The following NFIB variants were observed in gnomAD, a reference collection of about 807,000 sequenced individuals.
NFIB encodes the protein nuclear factor I B, also known as nuclear factor 1 B-type.
In NFIB, 11 loss-of-function variants were observed where a neutral mutation model predicts 61.5. The ratio of observed to expected loss-of-function variants is 0.18; its 90% CI spans 0.11 to 0.30. The LOEUF (loss-of-function observed/expected upper bound fraction) is 0.30. NFIB is among the 10% of genes least tolerant of loss of function. The probability of loss-of-function intolerance (pLI) is 1.00; values close to 1 mark genes in which losing one functional copy is unlikely to be tolerated. For synonymous variants in NFIB, 260 were observed against 216.5 expected, an observed-to-expected ratio of 1.20 and a Z score of -1.76; for missense variants, 471 against 608.9, an observed-to-expected ratio of 0.77 and a Z score of 2.38.
At chr9:14,245,539 C>A (rs564752483) in intron 2 of NFIB, among the ~76,000 whole-genome samples, 1 of 151,862 alleles carries the variant, frequency 6.6e-6, no homozygotes, top group Admixed American at 6.6e-5. Flanking sequence ...GGGAGAGATA[C>A]GTAAACACAT....
chr9:14,209,173 G>A (rs113170073), intron 2 of NFIB, among the ~76,000 whole-genome samples: 14 of 152,288 alleles, frequency 9.2e-5, no homozygotes, highest in Admixed American at 3.3e-4. Flanking sequence ...TTCTGACATG[G>A]AGATATTTTT....
intron 1 of NFIB, among the ~76,000 whole-genome samples, chr9:14,326,056 A>G (rs1434308225): frequency 2.0e-5 from 3 of 152,214 alleles, no homozygotes; most frequent in Non-Finnish European, 2.9e-5. Context: ...AAAGTGCCAA[A>G]TGTTGGCATT....
chr9:14,090,906 C>T (rs1255928399), intron 10 of NFIB, among the ~76,000 whole-genome samples: 2 of 152,010 alleles, frequency 1.3e-5, no homozygotes, highest in East Asian at 3.9e-4. Flanking sequence ...CAATAGCTCT[C>T]TTACTCAGTT....
the NFIB span, among the ~76,000 whole-genome samples, chr9:14,423,333 C>T: frequency 0.025 from 3,852 of 152,286 alleles, 167 homozygotes; most frequent in African/African-American, 0.087. Context: ...TTCCTGTGTG[C>T]TCAGATGTTT....
chr9:14,371,894 A>T (rs1300183283), intron 1 of NFIB, among the ~76,000 whole-genome samples: 1 of 152,162 alleles, frequency 6.6e-6, no homozygotes, highest in Non-Finnish European at 1.5e-5. Flanking sequence ...AGGAATGGGA[A>T]CTGACTGATT....
chr9:14,329,836 G>T (rs1164806106), intron 1 of NFIB, among the ~76,000 whole-genome samples: 1 of 151,234 alleles, frequency 6.6e-6, no homozygotes, highest in African/African-American at 2.4e-5. Flanking sequence ...TAAAAACCCA[G>T]TAACAGGCCG....
At chr9:14,130,972 C>G (rs988901633) in intron 6 of NFIB, among the ~76,000 whole-genome samples, 16 of 152,134 alleles carry the variant, frequency 1.1e-4, no homozygotes, top group African/African-American at 3.1e-4. Flanking sequence ...AACAAAACCA[C>G]GTGGTCCCTG....
the NFIB span, among the ~76,000 whole-genome samples, chr9:14,449,824 C>A: frequency 6.6e-6 from 1 of 151,992 alleles, no homozygotes; most frequent in Non-Finnish European, 1.5e-5. Flanking sequence ...GTCCCAACTA[C>A]TCCGGAGGCT....
the NFIB span, among the ~76,000 whole-genome samples, chr9:14,455,372 C>T: frequency 1.3e-5 from 2 of 152,112 alleles, no homozygotes; most frequent in Non-Finnish European, 2.9e-5. Context: ...TGAGGTACAG[C>T]AGTGGTTCAT....
the NFIB span, among the ~76,000 whole-genome samples, chr9:14,518,177 A>G: frequency 5.3e-5 from 8 of 152,246 alleles, no homozygotes; most frequent in Non-Finnish European, 1.2e-4. Context: ...AAATGATAAG[A>G]CATTCGCAAC....
intron 2 of NFIB, among the ~76,000 whole-genome samples, chr9:14,245,866 C>T (rs1186423017): frequency 1.3e-5 from 2 of 152,038 alleles, no homozygotes; most frequent in Non-Finnish European, 2.9e-5. Flanking sequence ...GAGCGAGACT[C>T]TGTCTCGAAA....
chr9:14,499,793 A>T, the NFIB span, among the ~76,000 whole-genome samples: 95 of 152,294 alleles, frequency 6.2e-4, no homozygotes, highest in African/African-American at 2.3e-3. Flanking sequence ...CTGCCATTAG[A>T]AATGGCTGAG....
At chr9:14,284,655 A>C (rs1033627295) in intron 2 of NFIB, among the ~76,000 whole-genome samples, 4 of 152,238 alleles carry the variant, frequency 2.6e-5, no homozygotes, top group Admixed American at 2.0e-4. Context: ...TCATAACAGA[A>C]AGAGCCCAGA....
intron 2 of NFIB, among the ~76,000 whole-genome samples, chr9:14,254,092 A>C (rs968820610): frequency 6.6e-6 from 1 of 152,200 alleles, no homozygotes; most frequent in Non-Finnish European, 1.5e-5. Context: ...ACTTGAGGCC[A>C]GTAGTTTGAG....
the NFIB span, among the ~76,000 whole-genome samples, chr9:14,463,692 T>TCTTG: frequency 3.1e-5 from 4 of 129,570 alleles, no homozygotes; most frequent in East Asian, 9.1e-4. Flanking sequence ...TGAGACGGAG[T>TCTTG]CTCTGTCACC....
rs555539552 is a variant in NFIB at position 14,127,596 on chromosome 9, T to C, written c.926-1830A>G. Among the ~76,000 whole-genome samples the C allele has an allele frequency of 5.3e-5, 8 of 152,276 alleles. No individual in the cohort carries two copies. The South Asian group carries it at 1.7e-3, about 32-fold the overall frequency. On this transcript the variant is annotated intron_variant, in intron 6 of 10. Coordinates refer to ENST00000380953, the MANE Select transcript of NFIB (RefSeq NM_001190737.2). ...AAAAGAAAAAAACACCAAAACTTTA[T>C]CACACATACAAAATGTACACAATTT...
the NFIB span, among the ~76,000 whole-genome samples, chr9:14,461,270 T>C: frequency 1.3e-5 from 2 of 152,152 alleles, no homozygotes; most frequent in Non-Finnish European, 2.9e-5. Flanking sequence ...AATGAGAACA[T>C]GAATGAATCA....
the NFIB span, among the ~76,000 whole-genome samples, chr9:14,469,325 T>A: frequency 5.3e-5 from 8 of 152,210 alleles, no homozygotes; most frequent in African/African-American, 1.9e-4. Flanking sequence ...ATTGTGGGTT[T>A]CACAAACTTC....
At chr9:14,117,687 G>T (rs559131988) in intron 8 of NFIB, among the ~76,000 whole-genome samples, 1 of 152,168 alleles carries the variant, frequency 6.6e-6, no homozygotes, top group African/African-American at 2.4e-5. Flanking sequence ...TGAATATCCT[G>T]ATTATTCATC....
Sources: allele counts gnomAD v4.1 joint callset (sites outside exome capture counted in the v4.1 genomes callset), GRCh38; gene constraint gnomAD v4.1.1; transcripts MANE v1.5; gene names NCBI Gene and HGNC (gene_info 2026-07-23, HGNC 2026-07-21).